The following CSMD3 variants were observed in gnomAD, a reference collection of about 807,000 sequenced individuals.
The protein encoded by CSMD3 is CUB and Sushi multiple domains 3, also known as CUB and sushi domain-containing protein 3.
Under a neutral mutation model 435.2 loss-of-function variants are expected in CSMD3, and 177 were observed. That is an observed-to-expected ratio of 0.41 (90% CI 0.36 to 0.46). The LOEUF is 0.46. Ranked by LOEUF, CSMD3 falls within the 20% of genes least tolerant of loss-of-function variation. CSMD3 has a pLI of 0.34. For missense variants in CSMD3, 4,265 were observed against 4,504.6 expected (o/e 0.95, Z 1.52); for synonymous variants, 1,656 against 1,520.5 (o/e 1.09, Z -2.07).
chr8:113,430,291 G>T (rs1225436442), intron 1 of CSMD3, among the ~76,000 whole-genome samples: 1 of 152,084 alleles, frequency 6.6e-6, no homozygotes, highest in Non-Finnish European at 1.5e-5. Context: ...AATAATATTG[G>T]CAATAGCTAC....
In CSMD3 at chr8:113,127,076, T is replaced by G. The variant is rs577466963; in HGVS notation, c.710-28113A>C. ...GCACCACAACACCACTTTATACTAATATATAAATTTATATATTATACAAAT... is the reference window on the plus strand; with the variant it reads ...GCACCACAACACCACTTTATACTAAGATATAAATTTATATATTATACAAAT... On this transcript the variant is annotated intron_variant, in intron 4 of 70. Coordinates refer to ENST00000297405, the MANE Select transcript of CSMD3 (RefSeq NM_198123.2). Among the ~76,000 whole-genome samples the G allele has an allele frequency of 6.6e-5, 10 of 152,166 alleles. No individual in the cohort carries two copies. In the South Asian group the frequency reaches 2.1e-3, roughly 32 times the overall value.
intron 15 of CSMD3, among the ~76,000 whole-genome samples, chr8:112,684,954 A>G (rs1472455269): frequency 6.6e-6 from 1 of 152,134 alleles, no homozygotes; most frequent in Non-Finnish European, 1.5e-5. Context: ...TACTGTAGCC[A>G]TGTGATTTTT....
chr8:113,096,959 CA>C (rs1564310796), intron 5 of CSMD3, among the ~76,000 whole-genome samples: 1 of 152,036 alleles, frequency 6.6e-6, no homozygotes, highest in Admixed American at 6.6e-5. Context: ...ACTCTCTAGA[CA>C]GAGTGTAGGG....
chr8:112,477,455 C>T (rs910006349), intron 31 of CSMD3, among the ~76,000 whole-genome samples: 2 of 152,114 alleles, frequency 1.3e-5, no homozygotes, highest in African/African-American at 4.8e-5. Context: ...CCTCAAATCT[C>T]ATATTGAAAT....
rs377610586 is a variant in CSMD3 at position 112,494,494 on chromosome 8, C to CTTTTCTTTCCTT, written c.5084-1812_5084-1811insAAGGAAAGAAAA. ...TTTCTTTTCTTTTGTTTCTTTCTCT[C>CTTTTCTTTCCTT]CTTTCTTTCTTTCTTTCTTTCTTTC... On this transcript the variant is annotated intron_variant, in intron 30 of 70. Coordinates refer to ENST00000297405, the MANE Select transcript of CSMD3 (RefSeq NM_198123.2). Among the ~76,000 whole-genome samples, 124 of 40,228 alleles carry CTTTTCTTTCCTT rather than the reference C, an allele frequency of 3.1e-3. 7 individuals are homozygous for CTTTTCTTTCCTT. Among genetic ancestry groups the CTTTTCTTTCCTT allele is most frequent in the African/African-American group, 0.01 (118 of 11,384 alleles). The allele number at this position is 40,228 out of a possible 152,430, so 26.4% of individuals were successfully genotyped here.
rs577390580 is a variant in CSMD3, at chr8:113,338,268, T to C, written c.179-23475A>G. Among the ~76,000 whole-genome samples the C allele has an allele frequency of 3.3e-5, 5 of 151,944 alleles. No individual in the cohort carries two copies. In the East Asian group the frequency reaches 9.7e-4, roughly 29 times the overall value. ...ACATCTATAATTGTTGTCAAAGATA[T>C]GATAGAATGAGAAATCTCAAAATGT... On this transcript the variant is annotated intron_variant, in intron 1 of 70. Transcript: ENST00000297405.
chr8:112,893,872 T>C (rs982466701), intron 10 of CSMD3, among the ~76,000 whole-genome samples: 3 of 151,486 alleles, frequency 2.0e-5, no homozygotes, highest in Admixed American at 6.6e-5. Flanking sequence ...AAGAACAGTA[T>C]ACTCTTCCAA....
At chr8:112,638,598 G>A (rs2074730459) in intron 21 of CSMD3, 98 bp downstream of exon 21, 1 of 766,942 alleles carries the variant, frequency 1.3e-6, no homozygotes, top group Non-Finnish European at 2.2e-6. Context: ...CTTCTCTCCA[G>A]CTATTTTTCA....
Position 112,656,205 on chromosome 8 carries a change from A to G in CSMD3, c.2953T>C (p.Phe985Leu). ...TTGGAACGACTGTTGTCTGTTGTAA[A>G]TAGAAGGTATATAAAATTACTGCTA... ...FSSSNFIYLLFTTDNSRSNNG... is the reference protein window; with the variant it reads ...FSSSNFIYLLLTTDNSRSNNG... Residue 985 changes from phenylalanine (F) to leucine (L), a missense_variant, in exon 18 of 71, where the codon TTT (phenylalanine) becomes CTT (leucine). By Grantham distance (22) the Phe-to-Leu change is conservative. This residue lies in a region of CSMD3 where 3,255 missense variants were observed against 3,380.2 expected (regional missense o/e 0.96). Transcript: ENST00000297405. 5 of 1,588,422 alleles carry G rather than the reference A, an allele frequency of 3.1e-6. No homozygotes were observed. Among genetic ancestry groups the G allele is most frequent in the Non-Finnish European group, 4.3e-6 (5 of 1,156,942 alleles).
At position 112,320,280 on chromosome 8, in the gene CSMD3, C is replaced by T. The variant is rs144727458; in HGVS notation, c.7166-299G>A. Among the ~76,000 whole-genome samples, 313 of 152,084 alleles carry T rather than the reference C, an allele frequency of 2.1e-3. 1 individual carries two copies. Among genetic ancestry groups the T allele is most frequent in the African/African-American group, 6.1e-3 (254 of 41,520 alleles). ...TTTGCATGATCACAATTTGGAATTA[C>T]GTATTCATGTTTGCTTACTTGCTCT... On this transcript the variant is annotated intron_variant, in intron 45 of 70. Coordinates refer to ENST00000297405, the MANE Select transcript of CSMD3 (RefSeq NM_198123.2).
chr8:112,658,447 G>A (rs1018625472), intron 17 of CSMD3, among the ~76,000 whole-genome samples: 1 of 152,098 alleles, frequency 6.6e-6, no homozygotes, highest in African/African-American at 2.4e-5. Context: ...TGACACGTTA[G>A]TCAAAATTAA....
chr8:113,183,050 C>T (rs143528327), intron 3 of CSMD3, among the ~76,000 whole-genome samples: 4 of 152,072 alleles, frequency 2.6e-5, no homozygotes, highest in East Asian at 3.9e-4. Context: ...TAGATCCTGC[C>T]GGACAGAGAT....
intron 5 of CSMD3, among the ~76,000 whole-genome samples, chr8:113,073,119 G>A (rs1445945861): frequency 6.6e-6 from 1 of 151,674 alleles, no homozygotes; most frequent in Non-Finnish European, 1.5e-5. Flanking sequence ...CAAAGAACAT[G>A]CACATTTATC....
At chr8:112,841,157 T>C (rs2080168685) in intron 11 of CSMD3, among the ~76,000 whole-genome samples, 1 of 151,620 alleles carries the variant, frequency 6.6e-6, no homozygotes, top group Non-Finnish European at 1.5e-5. Flanking sequence ...TATTTAGATA[T>C]CACATTCATC....
At chr8:112,351,693 TC>T (rs1208009410) in intron 39 of CSMD3, among the ~76,000 whole-genome samples, 1 of 151,934 alleles carries the variant, frequency 6.6e-6, no homozygotes, top group Admixed American at 6.6e-5. Flanking sequence ...AAATATAAAG[TC>T]CTGAAAGATC....
At position 112,689,853 on chromosome 8, in the gene CSMD3, G is replaced by T; in HGVS notation, c.2155+15C>A. 6.2e-7 allele frequency: 1 copy of T among 1,608,536 alleles called. No individual in the cohort carries two copies. The highest frequency in any genetic ancestry group is 8.5e-7 in the Non-Finnish European group (1 of 1,175,186). On this transcript the variant is annotated intron_variant, in intron 14 of 70. Coordinates refer to ENST00000297405, the MANE Select transcript of CSMD3 (RefSeq NM_198123.2). ...GTAACATATGCTATCTGGAAGCAAA[G>T]CATTTGGTACTCACAGATACAGATG...
At chr8:112,725,993 C>G (rs1463617323) in intron 13 of CSMD3, among the ~76,000 whole-genome samples, 1 of 151,842 alleles carries the variant, frequency 6.6e-6, no homozygotes, top group Non-Finnish European at 1.5e-5. Context: ...CTGTGGAGTC[C>G]TCAGAAAACT....
chr8:112,624,660 G>C (rs558751357), intron 22 of CSMD3, among the ~76,000 whole-genome samples: 1 of 152,078 alleles, frequency 6.6e-6, no homozygotes, highest in South Asian at 2.1e-4. Context: ...ATACCATAAA[G>C]TACCAGGTGA....
At chr8:113,312,824 G>C (rs746798738) in intron 2 of CSMD3, 7 of 152,060 alleles carry the variant, frequency 4.6e-5, no homozygotes, top group Non-Finnish European at 4.4e-5. Context: ...GTACCATAAT[G>C]TATATTTATA....
Sources: gnomAD v4.1 joint callset for allele counts (sites outside exome capture counted in the v4.1 genomes callset) on GRCh38, gnomAD v4.1.1 for gene constraint, gnomAD v4.1.1 regional missense constraint, MANE v1.5 for transcripts, NCBI Gene and HGNC (gene_info 2026-07-23, HGNC 2026-07-21) for gene names.